Variants in SLC22A6 observed in about 807,000 individuals in gnomAD.
The protein encoded by SLC22A6 is solute carrier family 22 member 6.
In SLC22A6, 45 loss-of-function variants were observed where a neutral mutation model predicts 56.7. The observed-to-expected ratio is 0.79, with a 90% CI of 0.63 to 1.02. The LOEUF is 1.02. Ranked by LOEUF, SLC22A6 falls within the 50% of genes least tolerant of loss-of-function variation. SLC22A6 has a pLI of 0.00. For synonymous variants in SLC22A6, 291 were observed against 295.9 expected (o/e 0.98, Z 0.17); for missense variants, 606 against 713.8 (o/e 0.85, Z 1.72).
chr11:62,982,227 A>AT lies in SLC22A6; in HGVS notation c.629-218dup, dbSNP rs4149176. On this transcript the variant is annotated intron_variant, in intron 3 of 9. Transcript: ENST00000360421. ...GGGAACTGCCCCCTCCACACTCTTG[A>AT]TTTTTTTTTTTTTTCTGCTCCTCCT... 6.0e-3 allele frequency among the ~76,000 whole-genome samples: 869 copies of AT among 143,710 alleles called. 4 individuals are homozygous for AT. The highest frequency in any genetic ancestry group is 7.8e-3 in the Non-Finnish European group (508 of 65,248). 94.3% of individuals were successfully genotyped at this position (143,710 alleles called of 152,430 possible).
chr11:62,980,950 C>G, intron 6 of SLC22A6, 35 bp downstream of exon 6: 1 of 1,545,952 alleles, frequency 6.5e-7, no homozygotes, highest in South Asian at 1.2e-5. Flanking sequence ...CCCAGCCAGC[C>G]TTTTGTCTCA....
At position 62,983,770 on chromosome 11, in the gene SLC22A6, C is replaced by T; in HGVS notation, c.474-79G>A. 1 of 1,432,500 alleles carries T rather than the reference C, an allele frequency of 7.0e-7. No homozygotes were observed. Among genetic ancestry groups the T allele is most frequent in the Non-Finnish European group, 9.5e-7 (1 of 1,055,810 alleles). The allele number at this position is 1,432,500 out of a possible 1,614,324, so 88.7% of individuals were successfully genotyped here. ...GCTGAGCCAGGAGAGGAGGGCTCAC[C>T]CTGGATGATGCCTGGGCTGGGGCCT... On this transcript the variant is annotated intron_variant, in intron 2 of 9. Coordinates refer to ENST00000360421, the MANE Select transcript of SLC22A6 (RefSeq NM_153276.3). This position sits in a 1 kb window ranked among gnomAD's most constrained non-coding sequence, Gnocchi z 4.5.
Position 62,979,497 on chromosome 11 carries a change from G to A in SLC22A6, c.1352C>T (p.Thr451Ile). The change falls in exon 8 of 10, where the codon ACA (threonine) becomes ATA (isoleucine). Residue 451 changes from threonine to isoleucine, a missense_variant. Coordinates refer to ENST00000360421, the MANE Select transcript of SLC22A6 (RefSeq NM_153276.3). The stretch of plus-strand genomic sequence containing the variant: ...TTAGGCTCCCACTCACCGGATCATT[G>A]TGGGATACAGTTCCCCAGTATACAG... ...IFLYTGELYPTMIRQTGMGMG... is the reference protein window; with the variant it reads ...IFLYTGELYPIMIRQTGMGMG... The A allele has an allele frequency of 2.5e-6, 4 of 1,600,542 alleles. No individual in the cohort carries two copies. Among genetic ancestry groups the A allele is most frequent in the South Asian group, 1.1e-5 (1 of 90,836 alleles).
In SLC22A6 at chr11:62,983,896, C is replaced by A. The variant is rs914234156; in HGVS notation, c.473+48G>T. The A allele has an allele frequency of 2.8e-6, 4 of 1,413,550 alleles. No individual in the cohort carries two copies. The highest frequency in any genetic ancestry group is 2.8e-5 in the African/African-American group (2 of 70,386). The allele number at this position is 1,413,550 out of a possible 1,614,324, so 87.6% of individuals were successfully genotyped here. A position where few individuals can be genotyped will look rare whatever the true frequency, so the allele number is the denominator to read the frequency against. ...CCTAGACACCCTGAGCCCAGCTGAG[C>A]CCCTAATCCCAGCCCAGCCCAGCCC... On this transcript the variant is annotated intron_variant, in intron 2 of 9. Transcript: ENST00000360421. The surrounding 1 kb of genome is among the most constrained non-coding windows in gnomAD (Gnocchi z 4.5).
At chr11:62,979,432 G>T in intron 8 of SLC22A6, 56 bp downstream of exon 8, 1 of 1,208,026 alleles carries the variant, frequency 8.3e-7, no homozygotes, top group Non-Finnish European at 1.2e-6. Context: ...CCTGTGCACA[G>T]AAGAATGTCT....
At chr11:62,979,267 G>T (rs958780281) in intron 8 of SLC22A6, among the ~76,000 whole-genome samples, 4 of 152,156 alleles carry the variant, frequency 2.6e-5, no homozygotes, top group African/African-American at 9.7e-5. Flanking sequence ...CTACTTTTGA[G>T]ATCTTCTAGG....
At position 62,981,346 on chromosome 11, in the gene SLC22A6, C is replaced by A; in HGVS notation, c.835G>T (p.Gly279Trp). The A allele has an allele frequency of 7.8e-7, 1 of 1,286,086 alleles. No individual in the cohort carries two copies. The highest frequency in any genetic ancestry group is 1.2e-5 in the South Asian group (1 of 80,072). The allele number at this position is 1,286,086 out of a possible 1,614,324, so 79.7% of individuals were successfully genotyped here. ...IESARWHSSS[G>W]RLDLTLRALQ... is the part of the protein sequence containing the mutation. ...GCCCTCAGGGTGAGGTCCAGCCTCC[C>A]GGAGGAGGAGTGCCAGCGGGCCGAC... Residue 279 changes from glycine to tryptophan, a missense_variant, in exon 5 of 10, where the codon GGG (glycine) becomes TGG (tryptophan). Transcript: ENST00000360421.
intron 4 of SLC22A6, 66 bp from the exon 5 acceptor site, chr11:62,981,449 G>A: frequency 1.1e-6 from 1 of 879,040 alleles, no homozygotes; most frequent in Non-Finnish European, 1.7e-6. Flanking sequence ...TGGGGGGCTG[G>A]GGCTGGGCTT....
rs1180572122 is a variant in SLC22A6 at position 62,977,390 on chromosome 11, G to A, written c.1362-3C>T. ...TGCCCATTCCCATGCCTGTCTGCCT[G>A]CAGGGCCCGCAGCAGATGGGTGTTG... On this transcript the variant is annotated splice_polypyrimidine_tract_variant and splice_region_variant and intron_variant, in intron 8 of 9. Transcript: ENST00000360421. The A allele has an allele frequency of 1.2e-6, 2 of 1,605,630 alleles. No homozygotes were observed. Among genetic ancestry groups the A allele is most frequent in the Non-Finnish European group, 8.5e-7 (1 of 1,178,734 alleles).
Position 62,984,963 on chromosome 11 carries a change from C to T in SLC22A6, c.-273G>A. 1 of 473,962 alleles carries T rather than the reference C, an allele frequency of 2.1e-6. No individual in the cohort carries two copies. 29.4% of individuals were successfully genotyped at this position (473,962 alleles called of 1,614,324 possible). ...GTCAGGGCAGCTCAGCTTTCAGGGT[C>T]TGCTGGAGACCTGACCCTTGCATGG... On this transcript the variant is annotated 5_prime_UTR_variant, in exon 1 of 10. Coordinates refer to ENST00000360421, the MANE Select transcript of SLC22A6 (RefSeq NM_153276.3).
chr11:62,981,930 G>C lies in SLC22A6; in HGVS notation c.709C>G (p.Leu237Val). 6.2e-7 allele frequency: 1 copy of C among 1,614,180 alleles called. No individual in the cohort carries two copies. The highest frequency in any genetic ancestry group is 8.5e-7 in the Non-Finnish European group (1 of 1,180,004). The change falls in exon 4 of 10, where the codon CTG becomes GTG. Residue 237 changes from leucine to valine, a missense_variant. Leu to Val is a conservative substitution (Grantham distance 32, BLOSUM62 1). Coordinates refer to ENST00000360421, the MANE Select transcript of SLC22A6 (RefSeq NM_153276.3). Reference protein sequence around the residue: ...GYVYSLGQFLLAGVAYAVPHW... With the variant: ...GYVYSLGQFLVAGVAYAVPHW... The stretch of plus-strand genomic sequence containing the variant: ...GGCACAGCGTAGGCCACACCAGCCA[G>C]GAGGAACTGGCCCAGGCTGTAGACA...
At chr11:62,980,890 C>T in intron 6 of SLC22A6, 95 bp downstream of exon 6, 1 of 1,043,134 alleles carries the variant, frequency 9.6e-7, no homozygotes, top group Non-Finnish European at 1.4e-6. Context: ...GGTCTGCTGA[C>T]CTTCCTGCCC....
At position 62,983,868 on chromosome 11, in the gene SLC22A6, C is replaced by T; in HGVS notation, c.473+76G>A. 4 of 1,255,902 alleles carry T rather than the reference C, an allele frequency of 3.2e-6. No individual in the cohort carries two copies. The South Asian group carries it at 5.4e-5, about 17-fold the overall frequency. 77.8% of individuals were successfully genotyped at this position (1,255,902 alleles called of 1,614,324 possible). Reference sequence around the variant, plus strand: ...AGCGCCGGCTGGCAATGCCAAGCTCCCACCTAGACACCCTGAGCCCAGCTG... The same window carrying T: ...AGCGCCGGCTGGCAATGCCAAGCTCTCACCTAGACACCCTGAGCCCAGCTG... On this transcript the variant is annotated intron_variant, in intron 2 of 9. Transcript: ENST00000360421. This position sits in a 1 kb window ranked among gnomAD's most constrained non-coding sequence, Gnocchi z 4.5.
At chr11:62,978,159 G>A (rs940759002) in intron 8 of SLC22A6, among the ~76,000 whole-genome samples, 1 of 152,014 alleles carries the variant, frequency 6.6e-6, no homozygotes, top group Non-Finnish European at 1.5e-5. Flanking sequence ...TGAGTGCTTC[G>A]GATTATTGCT....
In SLC22A6 at chr11:62,984,955, T is replaced by G; in HGVS notation, c.-265A>C. 1 of 488,902 alleles carries G rather than the reference T, an allele frequency of 2.0e-6. No individual in the cohort carries two copies. Among genetic ancestry groups the G allele is most frequent in the Non-Finnish European group, 3.6e-6 (1 of 274,168 alleles). 30.3% of individuals were successfully genotyped at this position (488,902 alleles called of 1,614,324 possible). On this transcript the variant is annotated 5_prime_UTR_variant, in exon 1 of 10. Coordinates refer to ENST00000360421, the MANE Select transcript of SLC22A6 (RefSeq NM_153276.3). ...CTTTGGGGGTCAGGGCAGCTCAGCT[T>G]TCAGGGTCTGCTGGAGACCTGACCC...
chr11:62,978,597 T>C (rs1565284169), intron 8 of SLC22A6, among the ~76,000 whole-genome samples: 1 of 146,288 alleles, frequency 6.8e-6, no homozygotes, highest in African/African-American at 2.5e-5. Context: ...TCTCTTTTTT[T>C]TTTTTTTTTT....
At chr11:62,982,068 G>C in intron 3 of SLC22A6, 58 bp from the exon 4 acceptor site, 1 of 1,536,708 alleles carries the variant, frequency 6.5e-7, no homozygotes, top group Non-Finnish European at 8.8e-7. Context: ...GCTAGTAAAG[G>C]CCCCTCCCTC....
At chr11:62,978,613 A>T (rs1410786731) in intron 8 of SLC22A6, among the ~76,000 whole-genome samples, 4 of 113,706 alleles carry the variant, frequency 3.5e-5, no homozygotes, top group African/African-American at 1.0e-4. Flanking sequence ...TTTTTTTGAG[A>T]TGGAGTCTTG....
At position 62,977,303 on chromosome 11, in the gene SLC22A6, G is replaced by A. The variant is rs1311859491; in HGVS notation, c.1446C>T (p.Tyr482=). The stretch of plus-strand genomic sequence containing the variant: ...CGTAGATGAAGAGAGGCATGGAGGG[G>A]TAGAGCTCGGCAGTCATGCTCACCA... ...SPLVSMTAEL[Y]PSMPLFIYGA... The change falls in exon 9 of 10, where the codon TAC becomes TAT. Residue 482 remains tyrosine, a synonymous_variant. Transcript: ENST00000360421. 3 of 1,613,886 alleles carry A rather than the reference G, an allele frequency of 1.9e-6. No homozygotes were observed. Among genetic ancestry groups the A allele is most frequent in the Admixed American group, 1.7e-5 (1 of 60,012 alleles).
Sources: gnomAD v4.1 joint callset for allele counts (sites outside exome capture counted in the v4.1 genomes callset) on GRCh38, gnomAD v4.1.1 for gene constraint, Gnocchi (gnomAD v3.1) non-coding constraint, MANE v1.5 for transcripts, NCBI Gene and HGNC (gene_info 2026-07-23, HGNC 2026-07-21) for gene names.